Variants in IMMP2L observed in about 807,000 individuals in gnomAD.
IMMP2L encodes the protein inner mitochondrial membrane peptidase subunit 2.
Under a neutral mutation model 19.3 loss-of-function variants are expected in IMMP2L, and 18 were observed. The observed-to-expected ratio is 0.93, with a 90% CI of 0.64 to 1.38. The LOEUF (loss-of-function observed/expected upper bound fraction) is 1.38. IMMP2L is among the 40% of genes most tolerant of loss of function. The pLI is 0.00. For synonymous variants in IMMP2L, 76 were observed against 73.0 expected, an observed-to-expected ratio of 1.04 and a Z score of -0.21; for missense variants, 233 against 218.2, an observed-to-expected ratio of 1.07 and a Z score of -0.43.
At chr7:111,262,158 T>C (rs1357038849) in intron 3 of IMMP2L, among the ~76,000 whole-genome samples, 2 of 152,000 alleles carry the variant, frequency 1.3e-5, no homozygotes, top group Non-Finnish European at 2.9e-5. Flanking sequence ...AACAAAAATC[T>C]CATCCCACAG....
At chr7:111,495,012 G>T (rs1249400361) in intron 2 of IMMP2L, among the ~76,000 whole-genome samples, 1 of 151,882 alleles carries the variant, frequency 6.6e-6, no homozygotes, top group Non-Finnish European at 1.5e-5. Flanking sequence ...GGCCTTAATT[G>T]TTCTGCCTCT....
intron 3 of IMMP2L, among the ~76,000 whole-genome samples, chr7:110,966,114 T>C (rs1819519604): frequency 1.3e-5 from 2 of 152,064 alleles, no homozygotes; most frequent in African/African-American, 2.4e-5. Context: ...TATAGAAGAA[T>C]ATTTAGTGAT....
intron 3 of IMMP2L, among the ~76,000 whole-genome samples, chr7:111,176,910 A>C (rs1040857722): frequency 6.6e-6 from 1 of 152,056 alleles, no homozygotes; most frequent in African/African-American, 2.4e-5. Context: ...TTCTACATGT[A>C]GTATAAGAAA....
chr7:111,207,097 T>C (rs1810793708), intron 3 of IMMP2L, among the ~76,000 whole-genome samples: 1 of 152,188 alleles, frequency 6.6e-6, no homozygotes, highest in South Asian at 2.1e-4. Flanking sequence ...CAATAGAAAA[T>C]TTTCCAGAGT....
At chr7:110,718,334 G>T (rs1170020178) in intron 5 of IMMP2L, among the ~76,000 whole-genome samples, 1 of 152,190 alleles carries the variant, frequency 6.6e-6, no homozygotes, top group Non-Finnish European at 1.5e-5. Flanking sequence ...TCTGAAGAGA[G>T]TGGTAGATAT....
intron 3 of IMMP2L, among the ~76,000 whole-genome samples, chr7:111,473,858 A>G (rs913506412): frequency 2.0e-5 from 3 of 152,132 alleles, no homozygotes; most frequent in African/African-American, 7.2e-5. Flanking sequence ...TACCAAAAAG[A>G]TGCACACACT....
intron 3 of IMMP2L, among the ~76,000 whole-genome samples, chr7:111,357,264 TG>T (rs1563097344): frequency 1.3e-5 from 2 of 152,174 alleles, no homozygotes; most frequent in East Asian, 3.8e-4. Flanking sequence ...CATGCAGCAA[TG>T]ATCCCTTAGA....
In IMMP2L at chr7:110,776,195, A is replaced by G. The variant is rs1038741779; in HGVS notation, c.408+110398T>C. ...CCACTCCAGGGCAGTTAGCATCAGA[A>G]GATCATAATCAAGAGTCCACACTAC... On this transcript the variant is annotated intron_variant, in intron 5 of 5. Coordinates refer to ENST00000405709, the MANE Select transcript of IMMP2L (RefSeq NM_032549.4). Among the ~76,000 whole-genome samples the G allele has an allele frequency of 2.6e-5, 4 of 151,326 alleles. 1 individual carries two copies. The South Asian group carries it at 8.3e-4, about 31-fold the overall frequency.
chr7:110,740,499 C>T (rs999137570), intron 5 of IMMP2L, among the ~76,000 whole-genome samples: 6 of 152,036 alleles, frequency 3.9e-5, no homozygotes, highest in Non-Finnish European at 8.8e-5. Context: ...AAATATACAA[C>T]CCTCCTAGAT....
intron 3 of IMMP2L, among the ~76,000 whole-genome samples, chr7:111,216,677 G>A (rs1188153419): frequency 6.6e-6 from 1 of 152,056 alleles, no homozygotes; most frequent in Non-Finnish European, 1.5e-5. Context: ...CCCTTAAAGT[G>A]GAATTTTCAA....
intron 5 of IMMP2L, among the ~76,000 whole-genome samples, chr7:110,858,120 T>A (rs918276759): frequency 1.3e-5 from 2 of 152,082 alleles, no homozygotes; most frequent in Non-Finnish European, 2.9e-5. Flanking sequence ...TGTATTAATC[T>A]TTTTTGGTAG....
At chr7:110,684,076 T>C (rs1354154738) in intron 5 of IMMP2L, among the ~76,000 whole-genome samples, 4 of 152,114 alleles carry the variant, frequency 2.6e-5, no homozygotes, top group African/African-American at 7.2e-5. Flanking sequence ...TGAAAGTTAA[T>C]AGTAGATTAT....
At chr7:111,361,031 A>G (rs1419487109) in intron 3 of IMMP2L, among the ~76,000 whole-genome samples, 3 of 152,078 alleles carry the variant, frequency 2.0e-5, no homozygotes, top group Admixed American at 1.3e-4. Context: ...ACAGAACAGA[A>G]GCTCTTTAGG....
intron 3 of IMMP2L, among the ~76,000 whole-genome samples, chr7:111,301,363 T>G (rs961546676): frequency 1.3e-5 from 2 of 150,166 alleles, no homozygotes; most frequent in African/African-American, 4.9e-5. Context: ...TTTGTTTTGT[T>G]TTTTTTTTTG....
chr7:111,471,876 C>CTTTA, intron 3 of IMMP2L, among the ~76,000 whole-genome samples: 1 of 152,124 alleles, frequency 6.6e-6, no homozygotes, highest in South Asian at 2.1e-4. Context: ...AACATCATGA[C>CTTTA]TTTAAGAAAA....
intron 5 of IMMP2L, among the ~76,000 whole-genome samples, chr7:110,790,054 G>A (rs1031728771): frequency 1.3e-5 from 2 of 151,698 alleles, no homozygotes; most frequent in Admixed American, 6.6e-5. Context: ...TAGGATGAAA[G>A]CTTGCTAAGG....
chr7:110,695,737 T>C (rs1324528537), intron 5 of IMMP2L, among the ~76,000 whole-genome samples: 1 of 151,970 alleles, frequency 6.6e-6, no homozygotes, highest in Non-Finnish European at 1.5e-5. Context: ...AGACTAATAG[T>C]GTAGAGAGAC....
chr7:111,262,010 G>C (rs1002799679), intron 3 of IMMP2L, among the ~76,000 whole-genome samples: 2 of 152,066 alleles, frequency 1.3e-5, no homozygotes. Context: ...GATGACAGTG[G>C]AAATTTAAGT....
Position 110,950,866 on chromosome 7 carries a change from A to ATATATATATATG in IMMP2L, c.305+12633_305+12634insCATATATATATA, listed in dbSNP as rs1294842966. Among the ~76,000 whole-genome samples, 4 of 134,806 alleles carry ATATATATATATG rather than the reference A, an allele frequency of 3.0e-5. No individual in the cohort carries two copies. In the South Asian group the frequency reaches 7.4e-4, roughly 25 times the overall value. 88.4% of individuals were successfully genotyped at this position (134,806 alleles called of 152,430 possible). Reference sequence around the variant, plus strand: ...CATATATATATATATATATATATATATATATGTATATATATGCACCAAGTT... The same window carrying ATATATATATATG: ...CATATATATATATATATATATATATATATATATATATGTATATGTATATATATGCACCAAGTT... On this transcript the variant is annotated intron_variant, in intron 4 of 5. Coordinates refer to ENST00000405709, the MANE Select transcript of IMMP2L (RefSeq NM_032549.4).
Sources: allele counts gnomAD v4.1 joint callset (sites outside exome capture counted in the v4.1 genomes callset), GRCh38; gene constraint gnomAD v4.1.1; transcripts MANE v1.5; gene names NCBI Gene and HGNC (gene_info 2026-07-23, HGNC 2026-07-21).